ACYP2: variants seen among roughly 807,000 people sequenced by gnomAD.
ACYP2 encodes acylphosphatase-2.
A neutral mutation model predicts 11.2 loss-of-function variants in ACYP2; 12 were observed. That is an observed-to-expected ratio of 1.08 (90% CI 0.69 to 1.74). The LOEUF (loss-of-function observed/expected upper bound fraction) is 1.74, where lower values mean the gene tolerates loss of function less well. ACYP2 is among the 40% of genes most tolerant of loss of function. The pLI is 0.00. For synonymous variants in ACYP2, 43 were observed against 32.2 expected (o/e 1.33, Z -1.13); for missense variants, 134 against 101.9 (o/e 1.31, Z -1.35).
At chr2:54,175,943 G>A (rs1329704260) in intron 6 of ACYP2, among the ~76,000 whole-genome samples, 2 of 152,044 alleles carry the variant, frequency 1.3e-5, no homozygotes, top group African/African-American at 2.4e-5. Context: ...AATGGGGTTA[G>A]CACCCTTATA....
intron 2 of ACYP2, among the ~76,000 whole-genome samples, chr2:54,037,779 G>T (rs1674991567): frequency 6.6e-6 from 1 of 152,128 alleles, no homozygotes; most frequent in South Asian, 2.1e-4. Context: ...GAGTGCTTTT[G>T]AAACAAATGA....
chr2:54,179,745 T>C (rs1331058366), intron 6 of ACYP2, among the ~76,000 whole-genome samples: 1 of 152,202 alleles, frequency 6.6e-6, no homozygotes, highest in Non-Finnish European at 1.5e-5. Flanking sequence ...GACTGCAGCC[T>C]GTTTTATCAG....
intron 6 of ACYP2, among the ~76,000 whole-genome samples, chr2:54,191,219 C>T (rs577290471): frequency 6.6e-6 from 1 of 152,250 alleles, no homozygotes; most frequent in South Asian, 2.1e-4. Flanking sequence ...ACCCAAAGTC[C>T]TTGCCATGCA....
At chr2:54,164,007 G>T (rs1407349494) in intron 6 of ACYP2, among the ~76,000 whole-genome samples, 1 of 152,234 alleles carries the variant, frequency 6.6e-6, no homozygotes, top group Non-Finnish European at 1.5e-5. Flanking sequence ...ACTTATGCCT[G>T]TGAAAGTTAA....
At chr2:53,995,477 A>ATTT (rs1160589426) in intron 2 of ACYP2, among the ~76,000 whole-genome samples, 1 of 142,628 alleles carries the variant, frequency 7.0e-6, no homozygotes, top group African/African-American at 2.7e-5. Context: ...TTTTTTATTT[A>ATTT]TTTATTTATT....
rs1273777459 is a variant in ACYP2 at position 53,971,272 on chromosome 2, C to T, written c.-86C>T. The T allele has an allele frequency of 6.5e-6, 1 of 153,434 alleles. No homozygotes were observed. The highest frequency in any genetic ancestry group is 2.0e-4 in the South Asian group (1 of 4,938). 9.5% of individuals were successfully genotyped at this position (153,434 alleles called of 1,614,324 possible). A position where few individuals can be genotyped will look rare whatever the true frequency, so the allele number is the denominator to read the frequency against. ...CCTGCTTCGCCGGGGGTCGCGCACT[C>T]CAAGCGGCAGCCCACTGGAGTCCCA... On this transcript the variant is annotated 5_prime_UTR_variant, in exon 1 of 7. Coordinates refer to ENST00000607452, the MANE Select transcript of ACYP2 (RefSeq NM_001320586.2).
Position 54,113,611 on chromosome 2 carries a change from T to C in ACYP2, c.278-21842T>C, listed in dbSNP as rs1376252495. Among the ~76,000 whole-genome samples the C allele has an allele frequency of 2.0e-5, 3 of 152,128 alleles. No individual in the cohort carries two copies. The East Asian group carries it at 5.8e-4, about 29-fold the overall frequency. Reference sequence around the variant, plus strand: ...TCTATGGATGCAGAACCTGCTAATATGGATGGCTGACTGTACTAGTGGGGA... The same window carrying C: ...TCTATGGATGCAGAACCTGCTAATACGGATGGCTGACTGTACTAGTGGGGA... On this transcript the variant is annotated intron_variant, in intron 4 of 6. Transcript: ENST00000607452.
At chr2:54,218,674 G>T (rs970767906) in intron 6 of ACYP2, among the ~76,000 whole-genome samples, 1 of 150,712 alleles carries the variant, frequency 6.6e-6, no homozygotes, top group African/African-American at 2.4e-5. Flanking sequence ...CCTAGAGGTA[G>T]TCAGTCTAGG....
intron 6 of ACYP2, among the ~76,000 whole-genome samples, chr2:54,183,950 A>C (rs1160206119): frequency 6.6e-6 from 1 of 152,228 alleles, no homozygotes; most frequent in East Asian, 1.9e-4. Context: ...TTCACATTTA[A>C]GAGTAATGCG....
intron 2 of ACYP2, among the ~76,000 whole-genome samples, chr2:54,032,304 A>G (rs1279658614): frequency 6.6e-6 from 1 of 152,208 alleles, no homozygotes; most frequent in Non-Finnish European, 1.5e-5. Context: ...ATTTTTGTAT[A>G]AAGTGTAAGG....
At chr2:54,125,493 T>C (rs1680436283) in intron 4 of ACYP2, among the ~76,000 whole-genome samples, 1 of 152,204 alleles carries the variant, frequency 6.6e-6, no homozygotes, top group Non-Finnish European at 1.5e-5. Context: ...TTCATACCTG[T>C]AATCCCAGCA....
chr2:53,975,228 A>G (rs1454121332), intron 2 of ACYP2: 1 of 397,586 alleles, frequency 2.5e-6, no homozygotes, highest in Non-Finnish European at 4.4e-6. Flanking sequence ...TGTCTCAAAA[A>G]AAAAAAAAAA....
At position 54,286,517 on chromosome 2, in the gene ACYP2, A is replaced by T. The variant is rs372384859; in HGVS notation, c.405-18171A>T. Among the ~76,000 whole-genome samples the T allele has an allele frequency of 4.5e-4, 68 of 152,068 alleles. No individual in the cohort carries two copies. In the Middle Eastern group the frequency reaches 0.01, roughly 23 times the overall value. ...TGCTTCAAAGCTGAATCTAACCCTA[A>T]CTAATAGTCATCTATGTCTATCAGA... On this transcript the variant is annotated intron_variant, in intron 6 of 6. Coordinates refer to ENST00000607452, the MANE Select transcript of ACYP2 (RefSeq NM_001320586.2).
rs1281171906 is a variant in ACYP2, at chr2:54,001,055, T to TA, written c.62+27250dup. Among the ~76,000 whole-genome samples the TA allele has an allele frequency of 2.6e-5, 4 of 152,292 alleles. No homozygotes were observed. In the East Asian group the frequency reaches 7.7e-4, roughly 29 times the overall value. ...TCAAAAGAATCTCCCGGATGCTTAT[T>TA]AAAAATTTTGATTCCTTGGCTTAGT... On this transcript the variant is annotated intron_variant, in intron 2 of 6. Coordinates refer to ENST00000607452, the MANE Select transcript of ACYP2 (RefSeq NM_001320586.2).
At chr2:54,266,558 A>G (rs1262582362) in intron 6 of ACYP2, among the ~76,000 whole-genome samples, 103 of 98,808 alleles carry the variant, frequency 1.0e-3, no homozygotes, top group Admixed American at 7.2e-3. Flanking sequence ...AGATAAAGAT[A>G]GATAGATAGA....
chr2:54,219,881 G>GTGTGTATATATA (rs1222539416), intron 6 of ACYP2, among the ~76,000 whole-genome samples: 24 of 99,462 alleles, frequency 2.4e-4, no homozygotes, highest in East Asian at 7.7e-4. Context: ...GTGTGTGTGT[G>GTGTGTATATATA]TATATATATA....
At chr2:54,013,893 C>A (rs1038184605) in intron 2 of ACYP2, among the ~76,000 whole-genome samples, 1 of 152,068 alleles carries the variant, frequency 6.6e-6, no homozygotes, top group Non-Finnish European at 1.5e-5. Context: ...TGTGGTGGCT[C>A]ACACCTGTAA....
chr2:54,211,254 C>A (rs1289693955), intron 6 of ACYP2, among the ~76,000 whole-genome samples: 7 of 152,090 alleles, frequency 4.6e-5, no homozygotes, highest in Admixed American at 3.9e-4. Flanking sequence ...TTTAGAAATA[C>A]TGTTAGAGTT....
At chr2:54,013,263 G>A (rs879523506) in intron 2 of ACYP2, among the ~76,000 whole-genome samples, 18,009 of 77,004 alleles carry the variant, frequency 0.23, 1,911 homozygotes, top group African/African-American at 0.32. Flanking sequence ...ATATGTGTGT[G>A]TGTGTGTGTG....
Sources: allele counts gnomAD v4.1 joint callset (sites outside exome capture counted in the v4.1 genomes callset), GRCh38; gene constraint gnomAD v4.1.1; transcripts MANE v1.5; gene names NCBI Gene and HGNC (gene_info 2026-07-23, HGNC 2026-07-21).